Variants in FAM227B observed in about 807,000 individuals in gnomAD.
FAM227B encodes protein FAM227B.
A neutral mutation model predicts 73.8 loss-of-function variants in FAM227B; 88 were observed. The observed-to-expected ratio is 1.19, with a 90% confidence interval of 1.00 to 1.42. The LOEUF (loss-of-function observed/expected upper bound fraction) is 1.42. FAM227B is among the 40% of genes most tolerant of loss of function. FAM227B has a pLI of 0.00. For missense variants in FAM227B, 632 were observed against 590.9 expected (o/e 1.07, Z -0.72); for synonymous variants, 210 against 190.5 (o/e 1.10, Z -0.84).
At chr15:49,362,382 G>A (rs974393454) in intron 13 of FAM227B, among the ~76,000 whole-genome samples, 1 of 152,122 alleles carries the variant, frequency 6.6e-6, no homozygotes, top group African/African-American at 2.4e-5. Context: ...AGTTTCCTGA[G>A]GCTCCCCAGT....
At chr15:49,551,559 T>C (rs2073028750) in intron 9 of FAM227B, among the ~76,000 whole-genome samples, 1 of 152,204 alleles carries the variant, frequency 6.6e-6, no homozygotes, top group African/African-American at 2.4e-5. Context: ...ATTCAGCCAG[T>C]CTTTTAATTA....
At chr15:49,509,240 A>G (rs2058802797) in intron 10 of FAM227B, among the ~76,000 whole-genome samples, 1 of 152,182 alleles carries the variant, frequency 6.6e-6, no homozygotes, top group African/African-American at 2.4e-5. Context: ...GTTTGTTTAA[A>G]AATCAAAAAG....
intron 11 of FAM227B, among the ~76,000 whole-genome samples, chr15:49,386,116 C>G (rs1441391355): frequency 6.6e-6 from 1 of 151,768 alleles, no homozygotes; most frequent in Non-Finnish European, 1.5e-5. Flanking sequence ...AACAGAGGAA[C>G]AGTGGACTTA....
At chr15:49,489,019 C>T (rs1038311282) in intron 11 of FAM227B, 9 of 152,500 alleles carry the variant, frequency 5.9e-5, no homozygotes, top group Non-Finnish European at 8.8e-5. Flanking sequence ...CTGTTTCCCA[C>T]GGAGCAAGAA....
At chr15:49,395,740 G>A (rs967994096) in intron 11 of FAM227B, among the ~76,000 whole-genome samples, 5 of 152,146 alleles carry the variant, frequency 3.3e-5, no homozygotes, top group African/African-American at 9.7e-5. Flanking sequence ...TTCTTACAGC[G>A]ACTACGAGGC....
chr15:49,411,239 G>A (rs2048856451), intron 11 of FAM227B, among the ~76,000 whole-genome samples: 1 of 151,664 alleles, frequency 6.6e-6, no homozygotes, highest in South Asian at 2.1e-4. Context: ...AACCAAGGAA[G>A]TGAAAAACAG....
At chr15:49,431,702 A>C (rs1470356309) in intron 11 of FAM227B, among the ~76,000 whole-genome samples, 1 of 151,764 alleles carries the variant, frequency 6.6e-6, no homozygotes, top group Non-Finnish European at 1.5e-5. Flanking sequence ...CTTTGTGAAC[A>C]GGAGGAAAAA....
rs1300611757 is a variant in FAM227B, at chr15:49,328,583, C to T, written c.1512G>A (p.Glu504=). The T allele has an allele frequency of 6.2e-7, 1 of 1,600,062 alleles. No individual in the cohort carries two copies. The highest frequency in any genetic ancestry group is 2.2e-5 in the East Asian group (1 of 44,698). ...SPSSTDNYNF[E]EEEY ...CTGGTTTCTCTTAGTATTCTTCTTC[C>T]TCAAAGTTGTAGTTGTCTGTTGATG... is the stretch of plus-strand genomic sequence containing the variant. The change falls in exon 16 of 16, where the codon GAG becomes GAA. Residue 504 remains glutamate (E), a synonymous_variant. Transcript: ENST00000299338.
intron 9 of FAM227B, among the ~76,000 whole-genome samples, chr15:49,559,019 T>C (rs2074010179): frequency 6.6e-6 from 1 of 152,022 alleles, no homozygotes; most frequent in South Asian, 2.1e-4. Context: ...GTTCAGAGAT[T>C]AAATTATGCC....
intron 11 of FAM227B, among the ~76,000 whole-genome samples, chr15:49,489,859 T>A (rs1371895580): frequency 2.1e-3 from 11 of 5,146 alleles, no homozygotes; most frequent in East Asian, 0.014. Context: ...ATATATATAT[T>A]TTATATATAT....
intron 15 of FAM227B, chr15:49,330,793 A>G (rs1429715785): frequency 4.0e-5 from 6 of 151,610 alleles, no homozygotes; most frequent in Admixed American, 2.0e-4. Context: ...GTGTGGATGT[A>G]AAAAATAGTC....
chr15:49,350,015 C>G (rs867768881), intron 13 of FAM227B, among the ~76,000 whole-genome samples: 1 of 152,164 alleles, frequency 6.6e-6, no homozygotes, highest in South Asian at 2.1e-4. Context: ...TATGTAAACT[C>G]TTAAGCCCCT....
At chr15:49,589,650 T>A in intron 4 of FAM227B, 126 bp downstream of exon 4, 1 of 648,666 alleles carries the variant, frequency 1.5e-6, no homozygotes, top group African/African-American at 1.8e-5. Context: ...CACTGGCTTA[T>A]GCCTGTAATT....
intron 12 of FAM227B, among the ~76,000 whole-genome samples, chr15:49,369,147 CG>C (rs1192891870): frequency 1.3e-5 from 2 of 151,754 alleles, no homozygotes; most frequent in African/African-American, 4.8e-5. Context: ...TTAGTAGAGA[CG>C]GGGTATCACC....
intron 11 of FAM227B, among the ~76,000 whole-genome samples, chr15:49,382,136 C>G (rs1003693382): frequency 1.3e-5 from 2 of 151,752 alleles, no homozygotes; most frequent in Non-Finnish European, 2.9e-5. Flanking sequence ...ACAGGGCAAA[C>G]TTATTCTAAA....
At chr15:49,342,308 T>A (rs1188449439) in intron 13 of FAM227B, among the ~76,000 whole-genome samples, 1 of 152,216 alleles carries the variant, frequency 6.6e-6, no homozygotes, top group African/African-American at 2.4e-5. Flanking sequence ...TTGACTGTTG[T>A]TGGTTTAAAG....
At chr15:49,582,635 C>T (rs112758649) in intron 5 of FAM227B, among the ~76,000 whole-genome samples, 8 of 152,288 alleles carry the variant, frequency 5.3e-5, no homozygotes, top group African/African-American at 1.9e-4. Flanking sequence ...ACGGACCTGG[C>T]AGACATCTAC....
chr15:49,601,189 C>A (rs747513419), intron 3 of FAM227B, among the ~76,000 whole-genome samples: 3 of 149,142 alleles, frequency 2.0e-5, no homozygotes, highest in Non-Finnish European at 3.0e-5. Flanking sequence ...CTAATAGTAA[C>A]TTCATTCTCT....
chr15:49,444,514 A>G lies in FAM227B; in HGVS notation c.1012+63697T>C, dbSNP rs376109966. On this transcript the variant is annotated intron_variant, in intron 11 of 15. Transcript: ENST00000299338. ...AAATTATCTGCTTCAAAACATCAAT[A>G]GATTGTAGTACGTGGGTCTAATTAC... 5.3e-5 allele frequency among the ~76,000 whole-genome samples: 8 copies of G among 151,794 alleles called. No individual in the cohort carries two copies. In the East Asian group the frequency reaches 1.2e-3, roughly 22 times the overall value.
Sources: allele counts gnomAD v4.1 joint callset (sites outside exome capture counted in the v4.1 genomes callset), GRCh38; gene constraint gnomAD v4.1.1; transcripts MANE v1.5; gene names NCBI Gene and HGNC (gene_info 2026-07-23, HGNC 2026-07-21).